CSMD3: variants seen among roughly 807,000 people sequenced by gnomAD.
The protein encoded by CSMD3 is CUB and sushi domain-containing protein 3.
In CSMD3, 177 loss-of-function variants were observed where a neutral mutation model predicts 435.2. The ratio of observed to expected loss-of-function variants is 0.41; its 90% CI spans 0.36 to 0.46. The LOEUF (loss-of-function observed/expected upper bound fraction) is 0.46. Among genes scored for constraint, CSMD3 ranks in the 20% least tolerant of loss-of-function variants. The probability of loss-of-function intolerance (pLI) is 0.34; values close to 1 mark genes in which losing one functional copy is unlikely to be tolerated. For synonymous variants in CSMD3, 1,656 were observed against 1,520.5 expected (o/e 1.09, Z -2.07); for missense variants, 4,265 against 4,504.6 (o/e 0.95, Z 1.52).
chr8:112,815,777 CAT>C (rs1373977302), intron 12 of CSMD3, among the ~76,000 whole-genome samples: 1 of 152,030 alleles, frequency 6.6e-6, no homozygotes, highest in Admixed American at 6.6e-5. Flanking sequence ...TAACATTAGA[CAT>C]ATGTAGCAAA....
intron 24 of CSMD3, among the ~76,000 whole-genome samples, chr8:112,559,170 C>T (rs1445651419): frequency 6.6e-6 from 1 of 151,836 alleles, no homozygotes; most frequent in African/African-American, 2.4e-5. Flanking sequence ...AGTGAGAAAA[C>T]TCCAGAGAAA....
chr8:113,414,651 CAAA>C (rs780988317), intron 1 of CSMD3, among the ~76,000 whole-genome samples: 26 of 85,056 alleles, frequency 3.1e-4, no homozygotes, highest in Admixed American at 1.0e-3. Context: ...TGCCCAAATA[CAAA>C]AAAAAAAAAA....
chr8:113,228,030 C>A (rs537177787), intron 3 of CSMD3, among the ~76,000 whole-genome samples: 1 of 151,586 alleles, frequency 6.6e-6, no homozygotes, highest in African/African-American at 2.4e-5. Flanking sequence ...ACCTCTCTTA[C>A]AACAATAAAT....
chr8:113,022,948 T>G (rs1220707424), intron 5 of CSMD3, among the ~76,000 whole-genome samples: 3 of 152,040 alleles, frequency 2.0e-5, no homozygotes, highest in Non-Finnish European at 2.9e-5. Context: ...TTTAAAATCC[T>G]ATATGTTTCT....
chr8:112,366,168 T>C (rs1372934482), intron 38 of CSMD3, among the ~76,000 whole-genome samples: 1 of 152,126 alleles, frequency 6.6e-6, no homozygotes. Context: ...GCAAAGGTCA[T>C]GGCAACAGTT....
At chr8:113,111,196 AG>A (rs1333730081) in intron 4 of CSMD3, among the ~76,000 whole-genome samples, 1 of 152,168 alleles carries the variant, frequency 6.6e-6, no homozygotes, top group Non-Finnish European at 1.5e-5. Flanking sequence ...AAGTTTTCAA[AG>A]AATTTTTAAA....
At chr8:112,738,021 A>T in intron 13 of CSMD3, among the ~76,000 whole-genome samples, 1 of 151,878 alleles carries the variant, frequency 6.6e-6, no homozygotes. Context: ...ATTGACAGCT[A>T]GGTGAAAAAT....
chr8:113,229,818 T>C (rs1522058), intron 3 of CSMD3, among the ~76,000 whole-genome samples: 102,158 of 151,342 alleles, frequency 0.68, 36,420 homozygotes, highest in East Asian at 0.95. Flanking sequence ...ACTCCCAGTC[T>C]CAGATAGGTT....
At chr8:112,263,961 T>A in intron 60 of CSMD3, 149 bp from the exon 61 acceptor site, 3 of 774,758 alleles carry the variant, frequency 3.9e-6, no homozygotes, top group East Asian at 5.4e-5. Flanking sequence ...CCTGGTAGTG[T>A]TCCTGAGTCA....
At chr8:113,053,418 A>C (rs931303620) in intron 5 of CSMD3, among the ~76,000 whole-genome samples, 1 of 152,092 alleles carries the variant, frequency 6.6e-6, no homozygotes, top group South Asian at 2.1e-4. Context: ...TTTAAGTAGG[A>C]ATATATTCAT....
Position 112,323,148 on chromosome 8 carries a change from A to AAAACAAACAAAC in CSMD3, c.7166-3179_7166-3168dup, listed in dbSNP as rs60164058. 2.6e-3 allele frequency among the ~76,000 whole-genome samples: 391 copies of AAAACAAACAAAC among 150,524 alleles called. 1 individual carries two copies. Among genetic ancestry groups the AAAACAAACAAAC allele is most frequent in the African/African-American group, 8.5e-3 (349 of 41,052 alleles). On this transcript the variant is annotated intron_variant, in intron 45 of 70. Coordinates refer to ENST00000297405, the MANE Select transcript of CSMD3 (RefSeq NM_198123.2). ...AAAGTAAAGGGGAAAGGAGTAATGA[A>AAAACAAACAAAC]AAACAAACAAACAAACAAACAAACA...
chr8:113,273,942 G>C (rs984268488), intron 3 of CSMD3, among the ~76,000 whole-genome samples: 1 of 151,908 alleles, frequency 6.6e-6, no homozygotes, highest in African/African-American at 2.4e-5. Context: ...CAATTGCCTA[G>C]AGCTAAATAA....
intron 13 of CSMD3, among the ~76,000 whole-genome samples, chr8:112,727,688 A>G (rs1174589524): frequency 6.6e-6 from 1 of 151,800 alleles, no homozygotes; most frequent in Non-Finnish European, 1.5e-5. Context: ...ACTATCTGTG[A>G]TTTTACAAGT....
chr8:112,932,717 G>A (rs971078560), intron 9 of CSMD3, among the ~76,000 whole-genome samples: 3 of 151,930 alleles, frequency 2.0e-5, no homozygotes, highest in African/African-American at 4.8e-5. Flanking sequence ...AAGAGAGGTT[G>A]GTTAATGGAT....
intron 54 of CSMD3, among the ~76,000 whole-genome samples, chr8:112,293,495 A>G (rs1819977368): frequency 6.6e-6 from 1 of 152,152 alleles, no homozygotes; most frequent in South Asian, 2.1e-4. Context: ...TACATAATGT[A>G]GAAAATAGAA....
At chr8:112,369,243 C>T (rs77757690) in intron 38 of CSMD3, among the ~76,000 whole-genome samples, 138 of 151,910 alleles carry the variant, frequency 9.1e-4, no homozygotes, top group South Asian at 3.3e-3. Context: ...AAACATTTAA[C>T]GCAGCTATAT....
chr8:112,793,156 TAATATATTAATTA>T (rs1288934471), intron 13 of CSMD3, among the ~76,000 whole-genome samples: 2 of 147,510 alleles, frequency 1.4e-5, no homozygotes, highest in African/African-American at 4.9e-5. Context: ...CATATTAAAT[TAATATATTAATTA>T]AATATATTAA....
chr8:112,758,366 T>TA (rs1351479265), intron 13 of CSMD3, among the ~76,000 whole-genome samples: 1 of 151,514 alleles, frequency 6.6e-6, no homozygotes, highest in African/African-American at 2.4e-5. Flanking sequence ...AAAAAAAATT[T>TA]AAAAAAGGAA....
intron 3 of CSMD3, among the ~76,000 whole-genome samples, chr8:113,174,321 T>C (rs1419098847): frequency 6.6e-6 from 1 of 152,096 alleles, no homozygotes; most frequent in African/African-American, 2.4e-5. Flanking sequence ...TCTTAAACCA[T>C]GAACCTAGAT....
Sources: allele counts gnomAD v4.1 joint callset (sites outside exome capture counted in the v4.1 genomes callset), GRCh38; gene constraint gnomAD v4.1.1; transcripts MANE v1.5; gene names NCBI Gene and HGNC (gene_info 2026-07-23, HGNC 2026-07-21).